The following RSPH14 variants were observed in gnomAD, a reference collection of about 807,000 sequenced individuals.
The protein encoded by RSPH14 is rhabdoid tumor deletion region gene 1.
A neutral mutation model predicts 26.7 loss-of-function variants in RSPH14; 20 were observed. The observed-to-expected ratio is 0.75, with a 90% CI of 0.53 to 1.09. RSPH14 has a LOEUF of 1.09. Among genes scored for constraint, RSPH14 ranks in the 50% least tolerant of loss-of-function variants. The probability of loss-of-function intolerance (pLI) is 0.00; values close to 1 mark genes in which losing one functional copy is unlikely to be tolerated. For missense variants in RSPH14, 449 were observed against 457.2 expected (o/e 0.98, Z 0.16); for synonymous variants, 177 against 189.3 (o/e 0.93, Z 0.53).
At chr22:23,153,128 T>TTC in the RSPH14 span, 2 of 1,613,392 alleles carry the variant, frequency 1.2e-6, no homozygotes, top group Non-Finnish European at 1.7e-6. Context: ...CCCTATAGCC[T>TTC]CCAGATGTAA....
chr22:23,127,458 C>A (rs1297607636), intron 4 of RSPH14, among the ~76,000 whole-genome samples: 1 of 152,204 alleles, frequency 6.6e-6, no homozygotes, highest in Admixed American at 6.5e-5. Flanking sequence ...CAGAAAAGGG[C>A]CTGCTCCTCT....
chr22:23,166,550 A>C, the RSPH14 span, among the ~76,000 whole-genome samples: 1 of 152,204 alleles, frequency 6.6e-6, no homozygotes, highest in South Asian at 2.1e-4. Context: ...TAGCCTCTCC[A>C]GCTGGGTCAG....
chr22:23,130,089 AAGAAAGAAAG>A (rs1229642883), intron 4 of RSPH14, among the ~76,000 whole-genome samples: 208 of 19,130 alleles, frequency 0.011, 1 homozygote, highest in African/African-American at 0.022. Flanking sequence ...GAAAGGAAGA[AAGAAAGAAAG>A]AAAGAAAGAA....
At chr22:23,166,146 TTA>T in the RSPH14 span, among the ~76,000 whole-genome samples, 2 of 82,166 alleles carry the variant, frequency 2.4e-5, no homozygotes, top group Admixed American at 1.3e-4. Context: ...ACTCTGTCTT[TTA>T]AAAAAAAAAA....
At chr22:23,130,462 A>G (rs1452614713) in intron 4 of RSPH14, among the ~76,000 whole-genome samples, 1 of 60,914 alleles carries the variant, frequency 1.6e-5, no homozygotes, top group Non-Finnish European at 3.3e-5. Flanking sequence ...CTCAAAAAAA[A>G]AAGAAAAAGA....
chr22:23,134,565 AAAAAAAAG>A (rs2070427063), intron 3 of RSPH14, among the ~76,000 whole-genome samples: 1 of 151,262 alleles, frequency 6.6e-6, no homozygotes, highest in South Asian at 2.1e-4. Context: ...AAAAAAAAAA[AAAAAAAAG>A]GAGATGATTG....
chr22:23,161,517 C>A, the RSPH14 span: 1 of 1,612,940 alleles, frequency 6.2e-7, no homozygotes, highest in Non-Finnish European at 8.5e-7. Context: ...AGGGAGTCCG[C>A]CCGAGACCCA....
Position 23,141,055 on chromosome 22 carries a change from C to T in RSPH14, c.-52-583G>A, listed in dbSNP as rs544496463. On this transcript the variant is annotated intron_variant, in intron 1 of 6. Coordinates refer to ENST00000216036, the MANE Select transcript of RSPH14 (RefSeq NM_014433.3). Reference sequence around the variant, plus strand: ...TGTTAAAAGGTGATTTATGGCCACGCGCAGTGGCTCACGCCTGTAATCCCA... The same window carrying T: ...TGTTAAAAGGTGATTTATGGCCACGTGCAGTGGCTCACGCCTGTAATCCCA... Among the ~76,000 whole-genome samples, 272 of 152,278 alleles carry T rather than the reference C, an allele frequency of 1.8e-3. 1 individual carries two copies. Among genetic ancestry groups the T allele is most frequent in the African/African-American group, 4.9e-3 (202 of 41,558 alleles).
chr22:23,162,894 G>T, the RSPH14 span: 7 of 337,562 alleles, frequency 2.1e-5, no homozygotes, highest in South Asian at 4.6e-5. Context: ...CATATTTTTT[G>T]TAGTTTTTTA....
chr22:23,093,679 T>C (rs1352504881), intron 4 of RSPH14, among the ~76,000 whole-genome samples: 1 of 152,160 alleles, frequency 6.6e-6, no homozygotes, highest in African/African-American at 2.4e-5. Context: ...GGCTCTGAGA[T>C]GGGAGTAAGT....
At chr22:23,106,221 G>A in intron 4 of RSPH14, among the ~76,000 whole-genome samples, 1 of 152,250 alleles carries the variant, frequency 6.6e-6, no homozygotes, top group Non-Finnish European at 1.5e-5. Context: ...GTCAGTGATG[G>A]TTGAGATCTG....
rs1402461538 is a variant in RSPH14 at position 23,071,917 on chromosome 22, C to T, written c.422-7784G>A. On this transcript the variant is annotated intron_variant, in intron 4 of 6. Transcript: ENST00000216036. This position sits in a 1 kb window ranked among gnomAD's most constrained non-coding sequence, Gnocchi z 4.1. ...GCCTGGGGAGTAGGAGGAGGTATGG[C>T]GGGAAAGGCCGGTGGGGGCTGCACG... Among the ~76,000 whole-genome samples the T allele has an allele frequency of 6.6e-6, 1 of 151,962 alleles. No homozygotes were observed. Among genetic ancestry groups the T allele is most frequent in the African/African-American group, 2.4e-5 (1 of 41,368 alleles).
chr22:23,098,464 G>C (rs1384354051), intron 4 of RSPH14, among the ~76,000 whole-genome samples: 1 of 152,200 alleles, frequency 6.6e-6, no homozygotes, highest in Non-Finnish European at 1.5e-5. Flanking sequence ...CCTGGGGAGA[G>C]CCATGGTGGG....
intron 4 of RSPH14, chr22:23,095,770 A>G (rs986473130): frequency 6.2e-7 from 1 of 1,613,002 alleles, no homozygotes; most frequent in Non-Finnish European, 8.5e-7. Context: ...ACCTGCGCTC[A>G]GAGAGCCAGC....
At chr22:23,076,011 C>T (rs1292474784) in intron 4 of RSPH14, among the ~76,000 whole-genome samples, 1 of 152,134 alleles carries the variant, frequency 6.6e-6, no homozygotes. Flanking sequence ...TGGGCAGCCC[C>T]GCATCTGGGC....
chr22:23,099,825 G>T lies in RSPH14; in HGVS notation c.421+34201C>A, dbSNP rs541809512. 2.6e-5 allele frequency among the ~76,000 whole-genome samples: 4 copies of T among 152,370 alleles called. No homozygotes were observed. In the South Asian group the frequency reaches 8.3e-4, roughly 32 times the overall value. ...AGCCCACACTGAGGGACAGACACAG[G>T]TGGCTGTGACCAGCAGAGCCTGGGT... On this transcript the variant is annotated intron_variant, in intron 4 of 6. Coordinates refer to ENST00000216036, the MANE Select transcript of RSPH14 (RefSeq NM_014433.3).
chr22:23,152,361 G>A, the RSPH14 span: 7 of 1,214,874 alleles, frequency 5.8e-6, no homozygotes, highest in Middle Eastern at 1.9e-4. Flanking sequence ...GGAGTGAGGG[G>A]TGTCTCACCA....
chr22:23,096,028 G>A (rs750445330), intron 4 of RSPH14: 59 of 1,606,748 alleles, frequency 3.7e-5, no homozygotes, highest in Admixed American at 8.3e-5. Context: ...TTGCGCTGAC[G>A]GGCCCCGCTG....
At chr22:23,125,587 G>C (rs773315692) in intron 4 of RSPH14, among the ~76,000 whole-genome samples, 1 of 152,166 alleles carries the variant, frequency 6.6e-6, no homozygotes, top group African/African-American at 2.4e-5. Context: ...TGCATTCACC[G>C]AGGGCCTGCT....
Sources: allele counts gnomAD v4.1 joint callset (sites outside exome capture counted in the v4.1 genomes callset), GRCh38; gene constraint gnomAD v4.1.1; non-coding constraint Gnocchi (gnomAD v3.1); transcripts MANE v1.5; gene names NCBI Gene and HGNC (gene_info 2026-07-23, HGNC 2026-07-21).